Variants in EWSR1 observed in about 807,000 individuals in gnomAD.
The protein encoded by EWSR1 is EWS RNA binding protein 1, also known as RNA-binding protein EWS.
In EWSR1, 14 loss-of-function variants were observed where a neutral mutation model predicts 92.1. That is an observed-to-expected ratio of 0.15 (90% CI 0.10 to 0.24). The LOEUF is 0.24. Among genes scored for constraint, EWSR1 ranks in the 10% least tolerant of loss-of-function variants. The pLI, the probability that EWSR1 is intolerant of heterozygous loss-of-function variation, is 1.00. For missense variants in EWSR1, 637 were observed against 870.9 expected (o/e 0.73, Z 3.38); for synonymous variants, 303 against 292.9 (o/e 1.03, Z -0.35).
rs71196650 is a variant in EWSR1 at position 29,280,862 on chromosome 22, G to GTTTTT, written c.414-1495_414-1491dup. Among the ~76,000 whole-genome samples the GTTTTT allele has an allele frequency of 1.3e-4, 8 of 62,902 alleles. 2 individuals are homozygous for GTTTTT. Among genetic ancestry groups the GTTTTT allele is most frequent in the Non-Finnish European group, 2.5e-4 (8 of 32,242 alleles). 41.3% of individuals were successfully genotyped at this position (62,902 alleles called of 152,430 possible). A position where few individuals can be genotyped will look rare whatever the true frequency, so the allele number is the denominator to read the frequency against. ...CTAATTTTGTGTGTGTGTGTGTGTTGTTTTTTTTTTTTTTTTTTTTTTTTT... is the reference window on the plus strand; with the variant it reads ...CTAATTTTGTGTGTGTGTGTGTGTTGTTTTTTTTTTTTTTTTTTTTTTTTTTTTTT... On this transcript the variant is annotated intron_variant, in intron 5 of 16. Coordinates refer to ENST00000397938, the MANE Select transcript of EWSR1 (RefSeq NM_005243.4).
rs1847676464 is a variant in EWSR1 at position 29,272,212 on chromosome 22, CT to C, written c.14-3del. 3.1e-6 allele frequency: 5 copies of C among 1,613,694 alleles called. No homozygotes were observed. Among genetic ancestry groups the C allele is most frequent in the Non-Finnish European group, 4.2e-6 (5 of 1,179,774 alleles). ...CACTATTTTTCCTCCTTGTTTTCCTCTAGATTACAGTACCTATAGCCAAGCT... is the reference window on the plus strand; with the variant it reads ...CACTATTTTTCCTCCTTGTTTTCCTCAGATTACAGTACCTATAGCCAAGCT... On this transcript the variant is annotated splice_region_variant and splice_polypyrimidine_tract_variant and intron_variant, in intron 1 of 16. Coordinates refer to ENST00000397938, the MANE Select transcript of EWSR1 (RefSeq NM_005243.4).
intron 15 of EWSR1, 124 bp from the exon 16 acceptor site, chr22:29,299,475 C>T (rs534063429): frequency 4.0e-5 from 59 of 1,486,004 alleles, no homozygotes; most frequent in Admixed American, 3.5e-4. Flanking sequence ...AGCCCGATGC[C>T]GAGATTGAGT....
chr22:29,298,461 C>G (rs1363713713), intron 13 of EWSR1, among the ~76,000 whole-genome samples: 3 of 149,028 alleles, frequency 2.0e-5, no homozygotes, highest in East Asian at 2.0e-4. Flanking sequence ...GAGCAAAGAT[C>G]GTGCCACTGC....
chr22:29,299,625 G>A lies in EWSR1; in HGVS notation c.1705G>A (p.Gly569Ser). ...TGGTGATCGTGGCAGAGGTGGCCCT[G>A]GTGGCATGCGGGGAGGAAGAGGTGG... ...PGGDRGRGGPGGMRGGRGGLM... is the reference protein window; with the variant it reads ...PGGDRGRGGPSGMRGGRGGLM... The change falls in exon 16 of 17, where the codon GGT becomes AGT. Residue 569 changes from glycine to serine, a missense_variant. Physicochemically the swap from Gly to Ser is moderately conservative, Grantham distance 56. This residue lies in a region of EWSR1 where 363 missense variants were observed against 447.8 expected (regional missense o/e 0.81). Coordinates refer to ENST00000397938, the MANE Select transcript of EWSR1 (RefSeq NM_005243.4). 1 of 1,606,482 alleles carries A rather than the reference G, an allele frequency of 6.2e-7. No individual in the cohort carries two copies. The highest frequency in any genetic ancestry group is 8.5e-7 in the Non-Finnish European group (1 of 1,175,862).
chr22:29,281,208 T>A (rs2083010849), intron 5 of EWSR1, among the ~76,000 whole-genome samples: 1 of 151,742 alleles, frequency 6.6e-6, no homozygotes, highest in Non-Finnish European at 1.5e-5. Flanking sequence ...AGAGACGGGG[T>A]TTCTCCATGT....
At chr22:29,294,494 T>C (rs1369215211) in intron 11 of EWSR1, among the ~76,000 whole-genome samples, 1 of 151,120 alleles carries the variant, frequency 6.6e-6, no homozygotes, top group African/African-American at 2.4e-5. Context: ...TAGTCCCAGC[T>C]ACTCGGAGGC....
At chr22:29,280,358 G>A (rs1452046676) in intron 5 of EWSR1, among the ~76,000 whole-genome samples, 2 of 152,116 alleles carry the variant, frequency 1.3e-5, no homozygotes, top group African/African-American at 2.4e-5. Context: ...GTGAGCCACC[G>A]CACCCGGCCT....
Position 29,278,141 on chromosome 22 carries a change from C to T in EWSR1, c.338C>T (p.Ala113Val). Residue 113 changes from alanine (A) to valine (V), a missense_variant, in exon 5 of 17, where the codon GCA becomes GTA. Coordinates refer to ENST00000397938, the MANE Select transcript of EWSR1 (RefSeq NM_005243.4). ...ATVTTTQASY[A>V]AQSAYGTQPA... is the part of the protein sequence containing the mutation. Reference sequence around the variant, plus strand: ...GTCACCACCACCCAGGCCTCCTATGCAGCTCAGTCTGCATATGGCACTCAG... The same window carrying T: ...GTCACCACCACCCAGGCCTCCTATGTAGCTCAGTCTGCATATGGCACTCAG... The T allele has an allele frequency of 6.2e-7, 1 of 1,614,230 alleles. No homozygotes were observed. The highest frequency in any genetic ancestry group is 8.5e-7 in the Non-Finnish European group (1 of 1,180,044).
intron 11 of EWSR1, among the ~76,000 whole-genome samples, chr22:29,295,017 A>G (rs2147679351): frequency 6.6e-6 from 1 of 152,200 alleles, no homozygotes; most frequent in Admixed American, 6.5e-5. Context: ...CCTCAAAAGT[A>G]AAATGCTTTT....
At chr22:29,297,587 G>A (rs2060966108) in intron 12 of EWSR1, among the ~76,000 whole-genome samples, 1 of 152,142 alleles carries the variant, frequency 6.6e-6, no homozygotes, top group Admixed American at 6.5e-5. Flanking sequence ...CCAGCTACTT[G>A]GGAGGATTGC....
chr22:29,277,157 T>C (rs2059186203), intron 4 of EWSR1: 1 of 225,888 alleles, frequency 4.4e-6, no homozygotes, highest in African/African-American at 2.2e-5. Context: ...AGCATACCTG[T>C]GAAACCAGGT....
intron 3 of EWSR1, 45 bp from the exon 4 acceptor site, chr22:29,273,696 A>G (rs2058872808): frequency 6.3e-7 from 1 of 1,587,890 alleles, no homozygotes; most frequent in South Asian, 1.2e-5. Context: ...CTAAAATACA[A>G]AAGTTCATGT....
chr22:29,282,775 T>G (rs184080140), intron 6 of EWSR1, among the ~76,000 whole-genome samples: 1 of 149,812 alleles, frequency 6.7e-6, no homozygotes, highest in Non-Finnish European at 1.5e-5. Context: ...TTTTTTTTTT[T>G]CCCCCGAGAC....
intron 9 of EWSR1, 138 bp downstream of exon 9, chr22:29,291,737 T>G: frequency 1.3e-6 from 1 of 772,230 alleles, no homozygotes; most frequent in Non-Finnish European, 2.0e-6. Context: ...ACTGCCGGCA[T>G]TGTCTTAGGG....
intron 7 of EWSR1, 56 bp from the exon 8 acceptor site, chr22:29,288,550 A>G: frequency 1.3e-6 from 2 of 1,500,600 alleles, no homozygotes; most frequent in Non-Finnish European, 1.8e-6. Flanking sequence ...GAGAAAGTAC[A>G]TCAGGCAGTG....
intron 4 of EWSR1, 186 bp from the exon 5 acceptor site, chr22:29,277,844 A>T: frequency 1.8e-6 from 1 of 561,814 alleles, no homozygotes; most frequent in African/African-American, 1.9e-5. Context: ...ACCAAAAACT[A>T]GGTACATTCA....
chr22:29,283,021 C>T (rs576780626), intron 6 of EWSR1, among the ~76,000 whole-genome samples: 16 of 152,322 alleles, frequency 1.1e-4, no homozygotes, highest in African/African-American at 3.8e-4. Context: ...CTCGGCCTCC[C>T]ACAGTGCTGG....
At chr22:29,293,503 T>G (rs950460980) in intron 11 of EWSR1, among the ~76,000 whole-genome samples, 6 of 151,960 alleles carry the variant, frequency 3.9e-5, no homozygotes, top group Non-Finnish European at 8.8e-5. Flanking sequence ...ATTTACATTT[T>G]TATGATACTG....
intron 4 of EWSR1, chr22:29,276,124 CT>C (rs1323842983): frequency 4.3e-6 from 1 of 231,544 alleles, no homozygotes; most frequent in African/African-American, 2.2e-5. Context: ...GCCCTGATCA[CT>C]TTTAGTTTTT....
Sources: allele counts gnomAD v4.1 joint callset (sites outside exome capture counted in the v4.1 genomes callset), GRCh38; gene constraint gnomAD v4.1.1; regional missense constraint gnomAD v4.1.1; transcripts MANE v1.5; gene names NCBI Gene and HGNC (gene_info 2026-07-23, HGNC 2026-07-21).